Variants in RNF150 observed in about 807,000 individuals in gnomAD.
The protein encoded by RNF150 is ring finger protein 150.
RNF150 carries 24 observed loss-of-function variants against 39.3 expected under a neutral mutation model. The observed-to-expected ratio is 0.61, with a 90% CI of 0.44 to 0.86. The LOEUF (loss-of-function observed/expected upper bound fraction) is 0.86, where lower values mean the gene tolerates loss of function less well. Among genes scored for constraint, RNF150 ranks in the 40% least tolerant of loss-of-function variants. The pLI, the probability that RNF150 is intolerant of heterozygous loss-of-function variation, is 0.00. For missense variants in RNF150, 502 were observed against 587.8 expected (o/e 0.85, Z 1.51); for synonymous variants, 255 against 227.3 (o/e 1.12, Z -1.10).
At chr4:140,995,977 T>TG (rs1461332095) in intron 1 of RNF150, among the ~76,000 whole-genome samples, 3 of 152,052 alleles carry the variant, frequency 2.0e-5, no homozygotes, top group South Asian at 2.1e-4. Context: ...TTTCCTTTTT[T>TG]GGGGGGGTAT....
At chr4:141,071,371 T>G (rs983371578) in intron 1 of RNF150, among the ~76,000 whole-genome samples, 2 of 150,958 alleles carry the variant, frequency 1.3e-5, no homozygotes, top group Non-Finnish European at 3.0e-5. Context: ...ACCCTAAAAC[T>G]TAAAGTATAA....
intron 6 of RNF150, among the ~76,000 whole-genome samples, chr4:140,870,963 C>A (rs1434218934): frequency 6.6e-6 from 1 of 151,180 alleles, no homozygotes; most frequent in South Asian, 2.1e-4. Context: ...CCTTAAACAT[C>A]ATTTTTACAA....
At chr4:141,156,278 T>C (rs1316928856) in intron 1 of RNF150, among the ~76,000 whole-genome samples, 1 of 152,140 alleles carries the variant, frequency 6.6e-6, no homozygotes, top group African/African-American at 2.4e-5. Context: ...AAGATTATAG[T>C]ATATTTATTT....
Position 140,994,414 on chromosome 4 carries a change from C to T in RNF150, c.485-26541G>A, listed in dbSNP as rs1331672182. Among the ~76,000 whole-genome samples the T allele has an allele frequency of 2.0e-5, 3 of 152,140 alleles. No individual in the cohort carries two copies. In the South Asian group the frequency reaches 6.2e-4, roughly 32 times the overall value. On this transcript the variant is annotated intron_variant, in intron 1 of 6. Coordinates refer to ENST00000515673, the MANE Select transcript of RNF150 (RefSeq NM_020724.2). ...GTTGAAGGTGATAGTAAAATGATCA[C>T]GAAGGTTATTTATGATAAATATTGA...
intron 6 of RNF150, among the ~76,000 whole-genome samples, chr4:140,887,570 C>T (rs1279262006): frequency 1.3e-5 from 2 of 152,128 alleles, no homozygotes; most frequent in East Asian, 1.9e-4. Context: ...TGTAGGTCGA[C>T]GCATCAACAT....
chr4:140,893,578 A>G (rs758270647), intron 6 of RNF150, among the ~76,000 whole-genome samples: 1 of 152,182 alleles, frequency 6.6e-6, no homozygotes, highest in Non-Finnish European at 1.5e-5. Flanking sequence ...CTTATTAGGT[A>G]CCTTTTAAGA....
At chr4:141,203,452 A>G (rs530890220) in intron 1 of RNF150, among the ~76,000 whole-genome samples, 1 of 151,764 alleles carries the variant, frequency 6.6e-6, no homozygotes, top group Non-Finnish European at 1.5e-5. Flanking sequence ...ACTCGATTAT[A>G]ACAAAAAATG....
At chr4:141,173,496 G>A (rs952105425) in intron 1 of RNF150, among the ~76,000 whole-genome samples, 7 of 152,144 alleles carry the variant, frequency 4.6e-5, no homozygotes, top group African/African-American at 1.7e-4. Context: ...TGAAATTGAG[G>A]AACAGTGAGA....
chr4:141,080,361 A>G lies in RNF150; in HGVS notation c.484+51964T>C, dbSNP rs564048478. ...AAATACGAAACAAAACCTCTGGTTC[A>G]TCATCCAATTTGCAATCACCTGTCT... On this transcript the variant is annotated intron_variant, in intron 1 of 6. Coordinates refer to ENST00000515673, the MANE Select transcript of RNF150 (RefSeq NM_020724.2). Among the ~76,000 whole-genome samples, 72 of 152,300 alleles carry G rather than the reference A, an allele frequency of 4.7e-4. 1 individual carries two copies. The highest frequency in any genetic ancestry group is 1.7e-3 in the African/African-American group (69 of 41,568).
At chr4:141,153,071 A>G (rs1176967856) in intron 1 of RNF150, among the ~76,000 whole-genome samples, 1 of 152,050 alleles carries the variant, frequency 6.6e-6, no homozygotes, top group East Asian at 1.9e-4. Flanking sequence ...CAATACACAT[A>G]ATTTTTTTCT....
rs1434741356 is a variant in RNF150, at chr4:141,113,231, T to C, written c.484+19094A>G. Among the ~76,000 whole-genome samples the C allele has an allele frequency of 3.3e-5, 5 of 151,564 alleles. No homozygotes were observed. The East Asian group carries it at 9.7e-4, about 29-fold the overall frequency. On this transcript the variant is annotated intron_variant, in intron 1 of 6. Transcript: ENST00000515673. ...CGCTTCTGAGCCTACTTCTGTCAAT[T>C]TGTCAAGACCCATCGGTGTGCTGTA...
At chr4:140,920,243 A>C (rs1026464502) in intron 5 of RNF150, among the ~76,000 whole-genome samples, 2 of 148,082 alleles carry the variant, frequency 1.4e-5, no homozygotes, top group African/African-American at 5.0e-5. Flanking sequence ...CATCAGAGTG[A>C]ACAGGCAACC....
rs774227270 is a variant in RNF150 at position 140,864,397 on chromosome 4, C to A, written c.*3864G>T. 1 of 152,134 alleles carries A rather than the reference C, an allele frequency of 6.6e-6. No homozygotes were observed. The highest frequency in any genetic ancestry group is 6.6e-5 in the Admixed American group (1 of 15,260). The allele number at this position is 152,134 out of a possible 1,614,324, so 9.4% of individuals were successfully genotyped here. Reference sequence around the variant, plus strand: ...AGGAGGTAGCAGTTCCTAAAGGTGACCCTAAATTATTTTGAGTGAATGCAA... The same window carrying A: ...AGGAGGTAGCAGTTCCTAAAGGTGAACCTAAATTATTTTGAGTGAATGCAA... On this transcript the variant is annotated 3_prime_UTR_variant, in exon 7 of 7. Coordinates refer to ENST00000515673, the MANE Select transcript of RNF150 (RefSeq NM_020724.2).
chr4:140,916,773 G>A (rs1210858525), intron 5 of RNF150, among the ~76,000 whole-genome samples: 1 of 152,100 alleles, frequency 6.6e-6, no homozygotes, highest in Non-Finnish European at 1.5e-5. Context: ...AAGGAAAAAG[G>A]GTTAAGGGCA....
At chr4:140,948,399 A>G (rs1418184046) in intron 3 of RNF150, among the ~76,000 whole-genome samples, 2 of 151,858 alleles carry the variant, frequency 1.3e-5, no homozygotes, top group African/African-American at 2.4e-5. Flanking sequence ...AATCCCTTAC[A>G]TTGCCCCAAG....
At chr4:141,116,488 C>A (rs1417374673) in intron 1 of RNF150, among the ~76,000 whole-genome samples, 1 of 152,158 alleles carries the variant, frequency 6.6e-6, no homozygotes, top group Admixed American at 6.5e-5. Flanking sequence ...AGTCAAGAAA[C>A]AACAGATGCT....
Position 140,979,012 on chromosome 4 carries a change from G to A in RNF150, c.485-11139C>T, listed in dbSNP as rs78713766. Among the ~76,000 whole-genome samples, 1,103 of 151,936 alleles carry A rather than the reference G, an allele frequency of 7.3e-3. 10 individuals are homozygous for A. Among genetic ancestry groups the A allele is most frequent in the African/African-American group, 0.025 (1,035 of 41,458 alleles). ...GCTGGACAAAAAACAATATATAGTC[G>A]TTCTTTGGTGTATGCAAGGAATTGC... On this transcript the variant is annotated intron_variant, in intron 1 of 6. Transcript: ENST00000515673.
At position 140,967,617 on chromosome 4, in the gene RNF150, A is replaced by T. The variant is rs1189049997; in HGVS notation, c.735+6T>A. ...TTTAAAAGTTTTTTAACTTTTTGCT[A>T]CTCACCTGGTTCCTATCCCTGGCAT... is the stretch of plus-strand genomic sequence containing the variant. On this transcript the variant is annotated splice_donor_region_variant and intron_variant, in intron 2 of 6. Coordinates refer to ENST00000515673, the MANE Select transcript of RNF150 (RefSeq NM_020724.2). The T allele has an allele frequency of 6.3e-7, 1 of 1,587,370 alleles. No homozygotes were observed. Among genetic ancestry groups the T allele is most frequent in the Admixed American group, 1.8e-5 (1 of 56,844 alleles).
At chr4:141,038,897 G>A (rs532128933) in intron 1 of RNF150, among the ~76,000 whole-genome samples, 1 of 152,172 alleles carries the variant, frequency 6.6e-6, no homozygotes, top group East Asian at 1.9e-4. Flanking sequence ...AGAGCAGATA[G>A]GAGCAATAGC....
Sources: gnomAD v4.1 joint callset for allele counts (sites outside exome capture counted in the v4.1 genomes callset) on GRCh38, gnomAD v4.1.1 for gene constraint, MANE v1.5 for transcripts, NCBI Gene and HGNC (gene_info 2026-07-23, HGNC 2026-07-21) for gene names.